The following GRIK2 variants were observed in gnomAD, a reference collection of about 807,000 sequenced individuals.
GRIK2 encodes the protein glutamate receptor ionotropic, kainate 2.
A neutral mutation model predicts 100.3 loss-of-function variants in GRIK2; 32 were observed. The observed-to-expected ratio is 0.32, with a 90% CI of 0.24 to 0.43. GRIK2 has a LOEUF of 0.43. GRIK2 is among the 20% of genes least tolerant of loss of function. GRIK2 has a pLI of 1.00. For synonymous variants in GRIK2, 417 were observed against 389.4 expected, an observed-to-expected ratio of 1.07 and a Z score of -0.83; for missense variants, 843 against 1,114.9, an observed-to-expected ratio of 0.76 and a Z score of 3.47.
At chr6:101,805,015 TG>T (rs953530926) in intron 9 of GRIK2, among the ~76,000 whole-genome samples, 12 of 151,934 alleles carry the variant, frequency 7.9e-5, no homozygotes, top group African/African-American at 2.9e-4. Flanking sequence ...CTTTACTTTT[TG>T]TGGACAAATT....
intron 7 of GRIK2, among the ~76,000 whole-genome samples, chr6:101,743,825 A>G (rs1776201463): frequency 6.6e-6 from 1 of 152,218 alleles, no homozygotes; most frequent in African/African-American, 2.4e-5. Context: ...AATTTTTAAA[A>G]AACGTTAATA....
At chr6:101,494,108 GTTTTAT>G (rs928636397) in intron 2 of GRIK2, among the ~76,000 whole-genome samples, 3 of 149,230 alleles carry the variant, frequency 2.0e-5, no homozygotes, top group African/African-American at 7.3e-5. Context: ...AGCAGAAACA[GTTTTAT>G]TAGTATATTA....
intron 14 of GRIK2, among the ~76,000 whole-genome samples, chr6:101,986,126 A>G (rs778073095): frequency 1.3e-5 from 2 of 151,868 alleles, no homozygotes; most frequent in South Asian, 2.1e-4. Flanking sequence ...ATTGAACTAG[A>G]TGCACTCGTG....
chr6:101,416,072 A>C (rs77457126), intron 2 of GRIK2, among the ~76,000 whole-genome samples: 1 of 152,132 alleles, frequency 6.6e-6, no homozygotes, highest in Non-Finnish European at 1.5e-5. Flanking sequence ...GCTAATTTAG[A>C]TCTGATGCTT....
At chr6:101,933,297 T>G (rs550571330) in intron 14 of GRIK2, among the ~76,000 whole-genome samples, 1 of 151,946 alleles carries the variant, frequency 6.6e-6, no homozygotes, top group Admixed American at 6.6e-5. Flanking sequence ...GTCAGTACTT[T>G]TAAATTTTCT....
intron 14 of GRIK2, among the ~76,000 whole-genome samples, chr6:102,027,339 ATTAT>A (rs1452230158): frequency 2.0e-5 from 3 of 151,182 alleles, no homozygotes; most frequent in Non-Finnish European, 4.4e-5. Flanking sequence ...ATTCTGCCAG[ATTAT>A]TTAGGAGGTA....
chr6:101,995,834 T>A (rs766528129), intron 14 of GRIK2, among the ~76,000 whole-genome samples: 116 of 152,006 alleles, frequency 7.6e-4, no homozygotes, highest in Admixed American at 1.6e-3. Context: ...TCATACCTAT[T>A]CACAAAATTG....
chr6:101,463,860 G>T lies in GRIK2; in HGVS notation c.115+64468G>T, dbSNP rs549718763. 6.6e-5 allele frequency among the ~76,000 whole-genome samples: 10 copies of T among 152,160 alleles called. No homozygotes were observed. The South Asian group carries it at 1.0e-3, about 16-fold the overall frequency. ...TAAAAAAAAAAAAATTTCACTTTGTGTGATGGTTAATACTGAGTGTCAACT... is the reference window on the plus strand; with the variant it reads ...TAAAAAAAAAAAAATTTCACTTTGTTTGATGGTTAATACTGAGTGTCAACT... On this transcript the variant is annotated intron_variant, in intron 2 of 16. Transcript: ENST00000369134.
intron 12 of GRIK2, among the ~76,000 whole-genome samples, chr6:101,922,455 A>T (rs1211769647): frequency 6.6e-6 from 1 of 152,202 alleles, no homozygotes; most frequent in Non-Finnish European, 1.5e-5. Flanking sequence ...GACCAGTTTC[A>T]TGTTAATAGC....
chr6:101,806,395 G>A (rs1781007153), intron 9 of GRIK2, among the ~76,000 whole-genome samples: 2 of 151,976 alleles, frequency 1.3e-5, no homozygotes, highest in Admixed American at 1.3e-4. Flanking sequence ...CCTTTCAACT[G>A]TACAACTACA....
At chr6:102,007,906 A>C (rs1034507813) in intron 14 of GRIK2, among the ~76,000 whole-genome samples, 1 of 152,148 alleles carries the variant, frequency 6.6e-6, no homozygotes, top group East Asian at 1.9e-4. Context: ...CATTTGAAGT[A>C]TAAGTAAGGG....
chr6:101,763,220 G>A (rs1777840810), intron 7 of GRIK2, among the ~76,000 whole-genome samples: 2 of 152,212 alleles, frequency 1.3e-5, no homozygotes, highest in South Asian at 4.1e-4. Context: ...TGACAATGTG[G>A]TAAGAACATT....
intron 14 of GRIK2, among the ~76,000 whole-genome samples, chr6:101,960,438 C>G (rs1792225700): frequency 6.6e-6 from 1 of 152,002 alleles, no homozygotes; most frequent in Admixed American, 6.6e-5. Context: ...TATGTTAGTT[C>G]CTTCTCATCC....
At chr6:101,424,707 T>C (rs908567119) in intron 2 of GRIK2, among the ~76,000 whole-genome samples, 15 of 151,898 alleles carry the variant, frequency 9.9e-5, no homozygotes, top group Middle Eastern at 3.4e-3. Context: ...CCTAATGCTA[T>C]CCCTCCCCTC....
chr6:101,912,087 A>ACACAC (rs1788746978), intron 12 of GRIK2, among the ~76,000 whole-genome samples: 1 of 16,212 alleles, frequency 6.2e-5, no homozygotes, highest in African/African-American at 2.0e-4. Flanking sequence ...CACAGACACA[A>ACACAC]ACACACACAC....
Position 102,068,665 on chromosome 6 carries a change from T to C in GRIK2, c.*154T>C. 2 of 628,848 alleles carry C rather than the reference T, an allele frequency of 3.2e-6. No homozygotes were observed. The highest frequency in any genetic ancestry group is 2.7e-6 in the Non-Finnish European group (1 of 364,568). The allele number at this position is 628,848 out of a possible 1,614,324, so 39.0% of individuals were successfully genotyped here. A position where few individuals can be genotyped will look rare whatever the true frequency, so the allele number is the denominator to read the frequency against. On this transcript the variant is annotated 3_prime_UTR_variant, in exon 17 of 17. Coordinates refer to ENST00000369134, the MANE Select transcript of GRIK2 (RefSeq NM_021956.5). ...ACTAGAGACTCTGTGATCTAAGCAG[T>C]TGCAATGATCAGACTTGATTTACAA... is the stretch of plus-strand genomic sequence containing the variant.
intron 12 of GRIK2, among the ~76,000 whole-genome samples, chr6:101,914,180 ATG>A (rs1403560446): frequency 6.6e-6 from 1 of 151,300 alleles, no homozygotes; most frequent in Non-Finnish European, 1.5e-5. Context: ...AACTTTGGTG[ATG>A]TACTAGATGT....
At chr6:101,832,706 T>C (rs117627017) in intron 10 of GRIK2, among the ~76,000 whole-genome samples, 1,913 of 152,330 alleles carry the variant, frequency 0.013, 17 homozygotes, top group Non-Finnish European at 0.019. Context: ...AGCCTGTTTT[T>C]CTGTAATATA....
intron 12 of GRIK2, among the ~76,000 whole-genome samples, chr6:101,891,163 T>G (rs1273895173): frequency 6.6e-6 from 1 of 152,000 alleles, no homozygotes; most frequent in Non-Finnish European, 1.5e-5. Context: ...TAATGTATTT[T>G]TTTTCTAGCC....
Sources: gnomAD v4.1 joint callset for allele counts (sites outside exome capture counted in the v4.1 genomes callset) on GRCh38, gnomAD v4.1.1 for gene constraint, MANE v1.5 for transcripts, NCBI Gene and HGNC (gene_info 2026-07-23, HGNC 2026-07-21) for gene names.